SMARCA2: variants seen among roughly 807,000 people sequenced by gnomAD.
SMARCA2 encodes the protein SWI/SNF related BAF chromatin remodeling complex subunit ATPase 2.
A neutral mutation model predicts 199.8 loss-of-function variants in SMARCA2; 61 were observed. That is an observed-to-expected ratio of 0.31 (90% confidence interval 0.25 to 0.38). SMARCA2 has a LOEUF of 0.38. SMARCA2 is among the 10% of genes least tolerant of loss of function. The pLI is 1.00. For missense variants in SMARCA2, 1,344 were observed against 2,012.2 expected (o/e 0.67, Z 6.35); for synonymous variants, 935 against 732.0 (o/e 1.28, Z -4.48).
In SMARCA2 at chr9:2,029,309, T is replaced by G. The variant is rs147167367; in HGVS notation, c.225+62T>G. 2.7e-4 allele frequency: 414 copies of G among 1,554,616 alleles called. 2 individuals are homozygous for G. In the African/African-American group the frequency reaches 4.8e-3, roughly 18 times the overall value. ...ATAAGTGGATGGCTAATATTTCTGA[T>G]AACCCCATCCCCCTTTCTACTGTTG... On this transcript the variant is annotated intron_variant, in intron 2 of 33. Transcript: ENST00000349721.
intron 27 of SMARCA2, among the ~76,000 whole-genome samples, chr9:2,146,883 G>A (rs542759223): frequency 6.6e-6 from 1 of 152,148 alleles, no homozygotes; most frequent in South Asian, 2.1e-4. Flanking sequence ...GCTGGCTTCT[G>A]TACTGCAAGC....
chr9:2,126,191 T>A (rs1823686316), intron 27 of SMARCA2, among the ~76,000 whole-genome samples: 2 of 152,380 alleles, frequency 1.3e-5, no homozygotes, highest in Admixed American at 1.3e-4. Context: ...AATTAGTTTG[T>A]TTTACAAAAC....
At chr9:2,032,768 G>C (rs1002146122) in intron 2 of SMARCA2, 184 bp from the exon 3 acceptor site, 6 of 495,280 alleles carry the variant, frequency 1.2e-5, no homozygotes, top group African/African-American at 9.9e-5. Context: ...ACTGTTTAAA[G>C]ACTTAACATT....
intron 24 of SMARCA2, among the ~76,000 whole-genome samples, chr9:2,111,491 C>CAAAAAAAAAAAAAAAAAAAA (rs148112929): frequency 1.1e-5 from 1 of 86,980 alleles, no homozygotes; most frequent in Non-Finnish European, 2.6e-5. Context: ...GACCGTGTCT[C>CAAAAAAAAAAAAAAAAAAAA]AAAAAAAAAA....
rs777070784 is a variant in SMARCA2 at position 2,123,963 on chromosome 9, C to T, written c.3981+26C>T. 3 of 1,532,188 alleles carry T rather than the reference C, an allele frequency of 2.0e-6. No individual in the cohort carries two copies. Among genetic ancestry groups the T allele is most frequent in the Non-Finnish European group, 2.7e-6 (3 of 1,130,466 alleles). 94.9% of individuals were successfully genotyped at this position (1,532,188 alleles called of 1,614,324 possible). On this transcript the variant is annotated intron_variant, in intron 27 of 33. Transcript: ENST00000349721. The surrounding 1 kb of genome is among the most constrained non-coding windows in gnomAD (Gnocchi z 4.1). ...GTAAGCCTAGCTTTTCTAACCCGCT[C>T]TCACTAGGTGGAGGGTTTTTGGTGG...
chr9:2,048,203 C>A (rs1323469827), intron 5 of SMARCA2, among the ~76,000 whole-genome samples: 1 of 152,098 alleles, frequency 6.6e-6, no homozygotes, highest in East Asian at 1.9e-4. Context: ...GCTGTGTTTA[C>A]GAGACCCCTG....
intron 27 of SMARCA2, chr9:2,157,635 G>C (rs548128186): frequency 7.9e-5 from 29 of 364,782 alleles, no homozygotes; most frequent in Non-Finnish European, 1.3e-4. Context: ...TCAGTGTTAA[G>C]ATGGTTTGTT....
At position 2,039,328 on chromosome 9, in the gene SMARCA2, C is replaced by T. The variant is rs1279226270; in HGVS notation, c.356-138C>T. Reference sequence around the variant, plus strand: ...ATTGATATGTAAAGATCTTAAACTCCATATAATTAATAAATGATATGTCAT... The same window carrying T: ...ATTGATATGTAAAGATCTTAAACTCTATATAATTAATAAATGATATGTCAT... On this transcript the variant is annotated intron_variant, in intron 3 of 33. Coordinates refer to ENST00000349721, the MANE Select transcript of SMARCA2 (RefSeq NM_003070.5). This position sits in a 1 kb window ranked among gnomAD's most constrained non-coding sequence, Gnocchi z 4.8. The T allele has an allele frequency of 1.3e-6, 1 of 761,416 alleles. No homozygotes were observed. The highest frequency in any genetic ancestry group is 1.8e-5 in the African/African-American group (1 of 56,722). 47.2% of individuals were successfully genotyped at this position (761,416 alleles called of 1,614,324 possible). A position where few individuals can be genotyped will look rare whatever the true frequency, so the allele number is the denominator to read the frequency against.
chr9:2,160,080 A>G (rs1248753836), intron 27 of SMARCA2: 4 of 791,700 alleles, frequency 5.1e-6, no homozygotes, highest in Non-Finnish European at 7.7e-6. Context: ...TGTATTTATT[A>G]TTAGCATGTT....
At chr9:2,028,122 G>GTCAT (rs148869091) in intron 1 of SMARCA2, among the ~76,000 whole-genome samples, 21,623 of 152,142 alleles carry the variant, frequency 0.14, 1,875 homozygotes, top group African/African-American at 0.23. Flanking sequence ...TGATCCAGTA[G>GTCAT]TCATGGATGA....
chr9:2,025,732 A>G (rs1163283895), intron 1 of SMARCA2, among the ~76,000 whole-genome samples: 1 of 152,176 alleles, frequency 6.6e-6, no homozygotes, highest in African/African-American at 2.4e-5. Flanking sequence ...CCTCTTTCTA[A>G]TTTATTTCCC....
chr9:2,160,401 C>G, intron 27 of SMARCA2: 1 of 539,676 alleles, frequency 1.9e-6, no homozygotes, highest in Non-Finnish European at 3.3e-6. Context: ...TTGGAGGATG[C>G]GTAGAAAACA....
rs565671061 is a variant in SMARCA2 at position 2,094,711 on chromosome 9, T to C, written c.2884-1946T>C. On this transcript the variant is annotated intron_variant, in intron 19 of 33. Coordinates refer to ENST00000349721, the MANE Select transcript of SMARCA2 (RefSeq NM_003070.5). ...CTGTGGTGCTCAGATTCCTAATCTA[T>C]AAAATGAGAAGGCTAAATGTGGCTA... Among the ~76,000 whole-genome samples, 18 of 152,342 alleles carry C rather than the reference T, an allele frequency of 1.2e-4. 1 individual carries two copies. The South Asian group carries it at 3.7e-3, about 32-fold the overall frequency.
intron 6 of SMARCA2, chr9:2,055,743 A>G (rs946122044): frequency 2.0e-5 from 3 of 152,202 alleles, no homozygotes; most frequent in Non-Finnish European, 2.9e-5. Context: ...TTAAAAAGAA[A>G]AGGGAAAATT....
chr9:2,151,901 A>ATTTT (rs1825100804), intron 27 of SMARCA2, among the ~76,000 whole-genome samples: 1 of 152,182 alleles, frequency 6.6e-6, no homozygotes, highest in African/African-American at 2.4e-5. Flanking sequence ...TTGGAAGACC[A>ATTTT]TAATGATTTT....
At chr9:2,084,344 T>G in intron 17 of SMARCA2, 148 bp downstream of exon 17, 1 of 590,600 alleles carries the variant, frequency 1.7e-6, no homozygotes, top group East Asian at 2.8e-5. Context: ...TGATATGTTT[T>G]GGTCGTGGAT....
In SMARCA2 at chr9:2,110,203, C is replaced by G. The variant is rs753753432; in HGVS notation, c.3293-51C>G. On this transcript the variant is annotated intron_variant, in intron 23 of 33. Coordinates refer to ENST00000349721, the MANE Select transcript of SMARCA2 (RefSeq NM_003070.5). This position sits in a 1 kb window ranked among gnomAD's most constrained non-coding sequence, Gnocchi z 4.8. Reference sequence around the variant, plus strand: ...GCAAGCCTTTTTGTCTCATTCTGTGCCATTTTCAGACAAGAGTTAATTGGC... The same window carrying G: ...GCAAGCCTTTTTGTCTCATTCTGTGGCATTTTCAGACAAGAGTTAATTGGC... The G allele has an allele frequency of 4.8e-6, 7 of 1,465,980 alleles. No homozygotes were observed. The highest frequency in any genetic ancestry group is 6.5e-6 in the Non-Finnish European group (7 of 1,079,746). 90.8% of individuals were successfully genotyped at this position (1,465,980 alleles called of 1,614,324 possible).
Position 2,115,811 on chromosome 9 carries a change from C to G in SMARCA2, c.3457-11C>G, listed in dbSNP as rs769248231. 1.2e-6 allele frequency: 2 copies of G among 1,611,584 alleles called. No homozygotes were observed. The highest frequency in any genetic ancestry group is 1.7e-6 in the Non-Finnish European group (2 of 1,178,366). ...ATCTCAGTCCTCATAGCATATTGAC[C>G]CCCCAAACAGGATCTGCAGGCCCAA... is the stretch of plus-strand genomic sequence containing the variant. On this transcript the variant is annotated splice_polypyrimidine_tract_variant and intron_variant, in intron 24 of 33. Coordinates refer to ENST00000349721, the MANE Select transcript of SMARCA2 (RefSeq NM_003070.5). This position sits in a 1 kb window ranked among gnomAD's most constrained non-coding sequence, Gnocchi z 6.0.
intron 26 of SMARCA2, among the ~76,000 whole-genome samples, chr9:2,121,257 C>T (rs552260486): frequency 6.6e-6 from 1 of 152,196 alleles, no homozygotes; most frequent in African/African-American, 2.4e-5. Context: ...TTGGAAGGCA[C>T]AGCCTTCTTT....
Sources: allele counts gnomAD v4.1 joint callset (sites outside exome capture counted in the v4.1 genomes callset), GRCh38; gene constraint gnomAD v4.1.1; non-coding constraint Gnocchi (gnomAD v3.1); transcripts MANE v1.5; gene names NCBI Gene and HGNC (gene_info 2026-07-23, HGNC 2026-07-21).